Variants in EYS observed in about 807,000 individuals in gnomAD.
EYS encodes EGF-like photoreceptor maintenance factor.
Under a neutral mutation model 282.1 loss-of-function variants are expected in EYS, and 250 were observed. That is an observed-to-expected ratio of 0.89 (90% CI 0.80 to 0.98). EYS has a LOEUF of 0.98. EYS is among the 50% of genes least tolerant of loss of function. The pLI is 0.00. For synonymous variants in EYS, 1,355 were observed against 1,282.9 expected, an observed-to-expected ratio of 1.06 and a Z score of -1.20; for missense variants, 4,016 against 3,709.0, an observed-to-expected ratio of 1.08 and a Z score of -2.15.
intron 5 of EYS, among the ~76,000 whole-genome samples, chr6:65,443,975 A>G (rs530882468): frequency 1.3e-5 from 2 of 151,828 alleles, no homozygotes; most frequent in East Asian, 3.9e-4. Context: ...GGAACAAGTA[A>G]TAATAATAGT....
At chr6:65,560,642 C>G (rs1285483771) in intron 2 of EYS, among the ~76,000 whole-genome samples, 1 of 151,664 alleles carries the variant, frequency 6.6e-6, no homozygotes, top group Admixed American at 6.6e-5. Flanking sequence ...TTCTGCATGT[C>G]TTTCACATAT....
At chr6:65,411,688 T>G (rs553211677) in intron 5 of EYS, among the ~76,000 whole-genome samples, 7 of 152,226 alleles carry the variant, frequency 4.6e-5, no homozygotes, top group African/African-American at 1.4e-4. Context: ...ATCTCTATAG[T>G]TGAACTATTT....
At chr6:64,256,574 G>A (rs1250798593) in intron 30 of EYS, among the ~76,000 whole-genome samples, 1 of 152,000 alleles carries the variant, frequency 6.6e-6, no homozygotes, top group African/African-American at 2.4e-5. Context: ...AAAAGACAAA[G>A]GAGCAGAAGA....
chr6:64,580,730 A>T (rs1766034576), intron 26 of EYS, among the ~76,000 whole-genome samples: 1 of 152,128 alleles, frequency 6.6e-6, no homozygotes, highest in Non-Finnish European at 1.5e-5. Flanking sequence ...AATAATGTGG[A>T]AGGCGGAATA....
chr6:64,126,842 C>T (rs61256611), intron 31 of EYS, among the ~76,000 whole-genome samples: 167 of 151,342 alleles, frequency 1.1e-3, no homozygotes, highest in African/African-American at 3.8e-3. Context: ...TACATATATA[C>T]ACACACACAT....
At chr6:64,038,360 G>A (rs963817325) in intron 33 of EYS, among the ~76,000 whole-genome samples, 16 of 152,026 alleles carry the variant, frequency 1.1e-4, no homozygotes, top group African/African-American at 3.6e-4. Flanking sequence ...TAATATATAT[G>A]TTAATTAGCT....
chr6:64,433,500 T>C (rs1774638915), intron 28 of EYS, among the ~76,000 whole-genome samples: 1 of 151,982 alleles, frequency 6.6e-6, no homozygotes, highest in Admixed American at 6.6e-5. Context: ...ACAAAATATA[T>C]TTCTATAAAT....
chr6:64,804,153 G>T (rs950365272), intron 22 of EYS, among the ~76,000 whole-genome samples: 1 of 152,252 alleles, frequency 6.6e-6, no homozygotes, highest in Non-Finnish European at 1.5e-5. Flanking sequence ...CAATAAAATT[G>T]TTATTTATTA....
chr6:64,343,043 C>A (rs1015188282), intron 29 of EYS, among the ~76,000 whole-genome samples: 4 of 152,024 alleles, frequency 2.6e-5, no homozygotes, highest in African/African-American at 7.2e-5. Context: ...CAGGAGCACC[C>A]AGATTCATAA....
At chr6:64,575,979 G>T (rs991200998) in intron 26 of EYS, among the ~76,000 whole-genome samples, 3 of 152,076 alleles carry the variant, frequency 2.0e-5, no homozygotes, top group South Asian at 4.2e-4. Flanking sequence ...GCAAACTGAG[G>T]CTATGTCATA....
intron 36 of EYS, among the ~76,000 whole-genome samples, chr6:63,842,295 T>G (rs1366887928): frequency 6.6e-6 from 1 of 152,178 alleles, no homozygotes; most frequent in Non-Finnish European, 1.5e-5. Context: ...TTTTAATGAT[T>G]GGCATCCTAA....
intron 22 of EYS, among the ~76,000 whole-genome samples, chr6:64,766,457 CTCTG>C (rs971226502): frequency 3.4e-5 from 5 of 147,506 alleles, no homozygotes; most frequent in African/African-American, 1.2e-4. Flanking sequence ...TATGGTGAAA[CTCTG>C]TCTGTACTAA....
chr6:65,241,727 A>C (rs1767062410), intron 12 of EYS, among the ~76,000 whole-genome samples: 2 of 152,020 alleles, frequency 1.3e-5, no homozygotes. Context: ...TTTTTCCTAC[A>C]AAGTTGGAGG....
intron 7 of EYS, among the ~76,000 whole-genome samples, chr6:65,386,161 C>A: frequency 6.8e-6 from 1 of 147,220 alleles, no homozygotes. Context: ...TGTTTCTAAA[C>A]AGAGCAGGTT....
At chr6:63,819,040 T>C (rs1053531539) in intron 36 of EYS, among the ~76,000 whole-genome samples, 9 of 152,336 alleles carry the variant, frequency 5.9e-5, no homozygotes, top group Non-Finnish European at 8.8e-5. Context: ...ACTTATAATC[T>C]ACCTTCTCAC....
intron 32 of EYS, among the ~76,000 whole-genome samples, chr6:64,072,390 G>A (rs142674868): frequency 2.6e-4 from 39 of 149,446 alleles, no homozygotes; most frequent in East Asian, 1.8e-3. Flanking sequence ...TTTTTTTTTC[G>A]GCTTCTACTC....
chr6:64,073,350 T>C (rs1771657464), intron 32 of EYS, among the ~76,000 whole-genome samples: 1 of 151,810 alleles, frequency 6.6e-6, no homozygotes, highest in African/African-American at 2.4e-5. Context: ...AGCAAATTAA[T>C]CACCTTAGGG....
At chr6:65,615,929 A>G (rs550609156) in intron 2 of EYS, among the ~76,000 whole-genome samples, 3 of 121,118 alleles carry the variant, frequency 2.5e-5, no homozygotes, top group Non-Finnish European at 3.4e-5. Flanking sequence ...GCGAGACTCC[A>G]TCTCAAAAAA....
intron 7 of EYS, among the ~76,000 whole-genome samples, chr6:65,388,212 G>A (rs561991407): frequency 2.5e-4 from 38 of 152,100 alleles, no homozygotes; most frequent in Middle Eastern, 6.8e-3. Flanking sequence ...AAAACCATCT[G>A]TATTTGATAA....
Sources: gnomAD v4.1 joint callset for allele counts (sites outside exome capture counted in the v4.1 genomes callset) on GRCh38, gnomAD v4.1.1 for gene constraint, MANE v1.5 for transcripts, NCBI Gene and HGNC (gene_info 2026-07-23, HGNC 2026-07-21) for gene names.